Variants in ASMTL observed in about 807,000 individuals in gnomAD.
ASMTL encodes the protein acetylserotonin O-methyltransferase like.
Under a neutral mutation model 60.3 loss-of-function variants are expected in ASMTL, and 57 were observed. The observed-to-expected ratio is 0.95, with a 90% CI of 0.76 to 1.18. The LOEUF (loss-of-function observed/expected upper bound fraction) is 1.18. ASMTL is among the 50% of genes most tolerant of loss of function. The pLI is 0.00. For missense variants in ASMTL, 981 were observed against 852.6 expected, an observed-to-expected ratio of 1.15 and a Z score of -1.88; for synonymous variants, 419 against 373.0, an observed-to-expected ratio of 1.12 and a Z score of -1.42.
chrX:1,437,366 T>G (rs112705473), intron 3 of ASMTL, among the ~76,000 whole-genome samples: 14,070 of 150,266 alleles, frequency 0.094, 945 homozygotes, highest in Middle Eastern at 0.22. Context: ...GGGTGGCTTA[T>G]AAACAGCAGA....
chrX:1,451,675 A>AG (rs2091389999), intron 1 of ASMTL, among the ~76,000 whole-genome samples: 3 of 102,002 alleles, frequency 2.9e-5, no homozygotes, highest in East Asian at 3.3e-4. Flanking sequence ...CCCCATTCCT[A>AG]GGGGTCCCGG....
chrX:1,445,860 C>T (rs183525406), intron 1 of ASMTL, among the ~76,000 whole-genome samples: 6 of 152,056 alleles, frequency 3.9e-5, no homozygotes, highest in Non-Finnish European at 8.8e-5. Context: ...TGGTGAGGTG[C>T]GACCAGAAGA....
rs532728787 is a variant in ASMTL at position 1,433,649 on chromosome X, T to C, written c.401-1272A>G. Among the ~76,000 whole-genome samples the C allele has an allele frequency of 1.3e-3, 197 of 151,040 alleles. 2 individuals carry two copies. The highest frequency in any genetic ancestry group is 0.013 in the South Asian group (62 of 4,782). ...GAGCCGAGATGGCGCAAGTGCACTC[T>C]AGCCTGGGCGATAAAGCGAGACTCT... On this transcript the variant is annotated intron_variant, in intron 5 of 12. Transcript: ENST00000381317.
intron 1 of ASMTL, among the ~76,000 whole-genome samples, chrX:1,450,056 CT>C (rs201291815): frequency 0.014 from 2,068 of 149,992 alleles, 47 homozygotes; most frequent in African/African-American, 0.048. Context: ...AGTAACTATC[CT>C]TCCATCACCA....
chrX:1,436,003 G>A (rs1490539445), intron 3 of ASMTL, among the ~76,000 whole-genome samples: 4 of 152,042 alleles, frequency 2.6e-5, no homozygotes, highest in Non-Finnish European at 4.4e-5. Context: ...TCCCCAGTGC[G>A]CCTCCCCAGA....
intron 1 of ASMTL, among the ~76,000 whole-genome samples, chrX:1,450,328 C>T (rs2091329153): frequency 1.3e-5 from 2 of 151,856 alleles, no homozygotes; most frequent in Admixed American, 6.6e-5. Flanking sequence ...CATACCCCAG[C>T]TACAAAGTCC....
chrX:1,433,358 C>T (rs1392110530), intron 5 of ASMTL, among the ~76,000 whole-genome samples: 13 of 151,716 alleles, frequency 8.6e-5, no homozygotes, highest in African/African-American at 3.1e-4. Context: ...TGTCGTTAAT[C>T]CTGGCCTTTT....
intron 5 of ASMTL, among the ~76,000 whole-genome samples, chrX:1,433,548 G>C (rs1296425564): frequency 1.3e-3 from 197 of 151,200 alleles, no homozygotes; most frequent in African/African-American, 4.7e-3. Flanking sequence ...CGGGCGTGGT[G>C]GCGGGCCCGT....
At chrX:1,420,052 T>C (rs1196188420) in intron 9 of ASMTL, among the ~76,000 whole-genome samples, 3 of 151,748 alleles carry the variant, frequency 2.0e-5, no homozygotes, top group African/African-American at 7.3e-5. Flanking sequence ...TCTATGTCTG[T>C]CTCCTGTTTC....
chrX:1,442,998 T>A, intron 1 of ASMTL, among the ~76,000 whole-genome samples: 1 of 152,136 alleles, frequency 6.6e-6, no homozygotes, highest in African/African-American at 2.4e-5. Flanking sequence ...CATCGCCATC[T>A]TGGACACACA....
chrX:1,417,334 T>C (rs1254338093), intron 11 of ASMTL, among the ~76,000 whole-genome samples: 2 of 149,652 alleles, frequency 1.3e-5, no homozygotes, highest in African/African-American at 2.5e-5. Context: ...TGCACACATA[T>C]ATCCACACGG....
Position 1,446,648 on chromosome X carries a change from C to T in ASMTL, c.94-4331G>A, listed in dbSNP as rs748490687. 3.7e-4 allele frequency among the ~76,000 whole-genome samples: 56 copies of T among 152,040 alleles called. 1 individual carries two copies. The highest frequency in any genetic ancestry group is 1.9e-3 in the South Asian group (9 of 4,810). ...CCAAGTAGCTGGGACTGCAGGCGCC[C>T]GCCACCACGCCCGGCTAATTTTTTG... On this transcript the variant is annotated intron_variant, in intron 1 of 12. Coordinates refer to ENST00000381317, the MANE Select transcript of ASMTL (RefSeq NM_004192.4).
intron 1 of ASMTL, 47 bp from the exon 2 acceptor site, chrX:1,442,364 G>A (rs1414084183): frequency 7.5e-6 from 12 of 1,609,076 alleles, no homozygotes; most frequent in African/African-American, 1.3e-5. Flanking sequence ...AAGACCCTAT[G>A]AAAAGTGAAT....
intron 11 of ASMTL, 182 bp from the exon 12 acceptor site, chrX:1,413,036 G>A: frequency 1.5e-6 from 1 of 667,460 alleles, no homozygotes; most frequent in Non-Finnish European, 2.6e-6. Context: ...ATGAGGAGCT[G>A]GTTAGTGATG....
intron 8 of ASMTL, among the ~76,000 whole-genome samples, chrX:1,423,940 G>A (rs1220717919): frequency 7.5e-6 from 1 of 133,834 alleles, no homozygotes; most frequent in African/African-American, 2.9e-5. Context: ...ACTGATCCAT[G>A]CACCCATGCA....
Position 1,403,531 on chromosome X carries a change from C to T in ASMTL, c.1646-42G>A, listed in dbSNP as rs750795536. On this transcript the variant is annotated intron_variant, in intron 12 of 12. Coordinates refer to ENST00000381317, the MANE Select transcript of ASMTL (RefSeq NM_004192.4). ...AGAGCTGGAGTCCTGGCCAGCCAGG[C>T]GGGGATCCTTCAGCAGGACACAGGG... 1.3e-4 allele frequency: 206 copies of T among 1,582,950 alleles called. 1 individual carries two copies. In the South Asian group the frequency reaches 1.9e-3, roughly 14 times the overall value.
intron 1 of ASMTL, 134 bp downstream of exon 1, chrX:1,452,614 C>G (rs150378442): frequency 0.031 from 21,564 of 700,716 alleles, 470 homozygotes; most frequent in South Asian, 0.077. Flanking sequence ...TCCCGGGACA[C>G]TCTCCCCTCC....
intron 5 of ASMTL, among the ~76,000 whole-genome samples, chrX:1,433,858 A>G (rs1348916541): frequency 6.6e-6 from 1 of 151,998 alleles, no homozygotes; most frequent in East Asian, 1.9e-4. Context: ...GCTCCTTCAT[A>G]ACAAAACCCC....
intron 6 of ASMTL, among the ~76,000 whole-genome samples, chrX:1,428,800 T>C (rs1299634513): frequency 1.4e-5 from 2 of 146,598 alleles, no homozygotes; most frequent in African/African-American, 5.1e-5. Flanking sequence ...TCAGATCTAG[T>C]GTGCTGGCAA....
Sources: gnomAD v4.1 joint callset for allele counts (sites outside exome capture counted in the v4.1 genomes callset) on GRCh38, gnomAD v4.1.1 for gene constraint, MANE v1.5 for transcripts, NCBI Gene and HGNC (gene_info 2026-07-23, HGNC 2026-07-21) for gene names.